Variants in SRPRB observed in about 807,000 individuals in gnomAD.
SRPRB encodes the protein SRP receptor subunit beta.
In SRPRB, 20 loss-of-function variants were observed where a neutral mutation model predicts 31.9. That is an observed-to-expected ratio of 0.63 (90% confidence interval 0.44 to 0.91). The LOEUF (loss-of-function observed/expected upper bound fraction) is 0.91, where lower values mean the gene tolerates loss of function less well. Among genes scored for constraint, SRPRB ranks in the 40% least tolerant of loss-of-function variants. SRPRB has a pLI of 0.00. For missense variants in SRPRB, 321 were observed against 324.9 expected (o/e 0.99, Z 0.09); for synonymous variants, 146 against 132.8 (o/e 1.10, Z -0.68).
chr3:133,813,622 T>G (rs1303951042), intron 4 of SRPRB, among the ~76,000 whole-genome samples: 2 of 152,226 alleles, frequency 1.3e-5, no homozygotes, highest in African/African-American at 4.8e-5. Context: ...CTTAAATAAT[T>G]TTAAACATTT....
chr3:133,828,462 T>A (rs1016134843), downstream of SRPRB: 9 of 411,932 alleles, frequency 2.2e-5, no homozygotes, highest in African/African-American at 4.2e-5. Flanking sequence ...ATCTTTCAAA[T>A]AAAAATGACT....
chr3:133,811,342 C>A, intron 4 of SRPRB, 143 bp downstream of exon 4: 3 of 659,582 alleles, frequency 4.5e-6, no homozygotes, highest in Non-Finnish European at 7.4e-6. Flanking sequence ...TCAGCCAGTT[C>A]TGGGTTGCAA....
At chr3:133,818,924 G>T (rs1176149081) in intron 6 of SRPRB, among the ~76,000 whole-genome samples, 1 of 151,984 alleles carries the variant, frequency 6.6e-6, no homozygotes, top group Non-Finnish European at 1.5e-5. Flanking sequence ...TAAGAAAGAA[G>T]ATTGGCAGCA....
upstream of SRPRB, among the ~76,000 whole-genome samples, chr3:133,804,013 G>A (rs1257369411): frequency 1.4e-5 from 2 of 143,770 alleles, no homozygotes; most frequent in Non-Finnish European, 3.0e-5. Flanking sequence ...GGAGAATGGC[G>A]TGAACCCGGG....
upstream of SRPRB, among the ~76,000 whole-genome samples, chr3:133,803,999 G>A (rs1199022914): frequency 6.7e-6 from 1 of 149,208 alleles, no homozygotes; most frequent in African/African-American, 2.5e-5. Flanking sequence ...GGGAGGCTGA[G>A]GCAGGAGAAT....
At chr3:133,796,063 A>G (rs1335235192) in intron 1 of SRPRB, 2 of 152,770 alleles carry the variant, frequency 1.3e-5, no homozygotes, top group African/African-American at 4.8e-5. Context: ...TCTCTATAAC[A>G]AACATTCCTG....
chr3:133,797,672 T>G (rs546123058), intron 1 of SRPRB, among the ~76,000 whole-genome samples: 1 of 152,190 alleles, frequency 6.6e-6, no homozygotes, highest in African/African-American at 2.4e-5. Flanking sequence ...GGGAGAAGGG[T>G]TCTGGGCCCG....
chr3:133,815,542 G>T, intron 4 of SRPRB, 48 bp from the exon 5 acceptor site: 2 of 1,608,696 alleles, frequency 1.2e-6, no homozygotes, highest in Non-Finnish European at 1.7e-6. Flanking sequence ...AGATAATGAT[G>T]TCCTGTTACA....
intron 1 of SRPRB, chr3:133,793,622 T>C (rs1934899183): frequency 6.6e-6 from 1 of 152,188 alleles, no homozygotes; most frequent in Non-Finnish European, 1.5e-5. Context: ...TAATTATGAT[T>C]ATTATGTTAT....
downstream of SRPRB, chr3:133,826,956 T>TATAAAAACTAAACACATGACATCTGAA (rs2107982304): frequency 6.5e-6 from 1 of 152,788 alleles, no homozygotes; most frequent in East Asian, 1.9e-4. Context: ...TGTACACACA[T>TATAAAAACTAAACACATGACATCTGAA]ATAAAAACTA....
intron 4 of SRPRB, among the ~76,000 whole-genome samples, chr3:133,814,696 C>A (rs1045660842): frequency 6.6e-5 from 10 of 152,134 alleles, no homozygotes; most frequent in African/African-American, 2.2e-4. Flanking sequence ...GTCTCGGCCC[C>A]CCAAAGTGCT....
intron 6 of SRPRB, among the ~76,000 whole-genome samples, chr3:133,818,285 T>G (rs112110148): frequency 0.013 from 1,952 of 152,312 alleles, 49 homozygotes; most frequent in African/African-American, 0.044. Flanking sequence ...TCTCCCGTGG[T>G]TAAAACACAT....
At chr3:133,789,879 G>GGTT (rs1934785811) in intron 1 of SRPRB, 1 of 88,982 alleles carries the variant, frequency 1.1e-5, no homozygotes, top group African/African-American at 5.5e-5. Context: ...TCTCGTTTGC[G>GGTT]TTTTTTTTTT....
chr3:133,801,586 G>T (rs1935063390), upstream of SRPRB, among the ~76,000 whole-genome samples: 1 of 152,186 alleles, frequency 6.6e-6, no homozygotes, highest in African/African-American at 2.4e-5. Context: ...TCCTCAGCGA[G>T]TTAAGACAGT....
chr3:133,821,705 AT>A (rs764621319), downstream of SRPRB, among the ~76,000 whole-genome samples: 2 of 152,184 alleles, frequency 1.3e-5, no homozygotes, highest in Non-Finnish European at 2.9e-5. Flanking sequence ...TGTTAAACTG[AT>A]TTGAGGACCC....
intron 5 of SRPRB, among the ~76,000 whole-genome samples, chr3:133,816,252 C>G (rs1036650504): frequency 1.3e-5 from 2 of 152,148 alleles, no homozygotes; most frequent in Admixed American, 1.3e-4. Context: ...ATCTGAAATT[C>G]TGATTCTATG....
downstream of SRPRB, among the ~76,000 whole-genome samples, chr3:133,822,592 C>T (rs1935491391): frequency 6.6e-6 from 1 of 152,230 alleles, no homozygotes; most frequent in South Asian, 2.1e-4. Flanking sequence ...CTGCCTCTGT[C>T]TCAGTGCCTC....
intron 1 of SRPRB, among the ~76,000 whole-genome samples, chr3:133,799,304 A>T (rs1935027161): frequency 6.6e-6 from 1 of 152,232 alleles, no homozygotes; most frequent in South Asian, 2.1e-4. Flanking sequence ...TTAGAGGACC[A>T]CAGTGATTTA....
At chr3:133,827,278 C>T (rs1333523016), downstream of SRPRB, 1 of 152,264 alleles carries the variant, frequency 6.6e-6, no homozygotes, top group African/African-American at 2.4e-5. Context: ...TATGACATGC[C>T]CAGCAGCAGC....
Sources: allele counts gnomAD v4.1 joint callset (sites outside exome capture counted in the v4.1 genomes callset), GRCh38; gene constraint gnomAD v4.1.1; transcripts MANE v1.5; gene names NCBI Gene and HGNC (gene_info 2026-07-23, HGNC 2026-07-21).